The following B3GALT4 variants were observed in gnomAD, a reference collection of about 807,000 sequenced individuals.
The protein encoded by B3GALT4 is beta-1,3-galactosyltransferase 4, also known as UDP-Gal:betaGlcNAc beta 1,3-galactosyltransferase 4.
In B3GALT4, 1 loss-of-function variant was observed where a neutral mutation model predicts 1.6. The observed-to-expected ratio is 0.64, with a 90% CI of 0.23 to 3.05. B3GALT4 has a LOEUF of 3.05. B3GALT4 is among the 30% of genes most tolerant of loss of function. The pLI is 0.21. For missense variants in B3GALT4, 441 were observed against 486.9 expected (o/e 0.91, Z 0.89); for synonymous variants, 259 against 222.6 (o/e 1.16, Z -1.46).
chr6:33,277,953 G>C lies in B3GALT4; in HGVS notation c.534G>C (p.Val178=), dbSNP rs1029284690. 1 of 1,614,212 alleles carries C rather than the reference G, an allele frequency of 6.2e-7. No homozygotes were observed. The highest frequency in any genetic ancestry group is 1.7e-5 in the Admixed American group (1 of 60,024). The change falls in exon 1 of 1, where the codon GTG becomes GTC. Residue 178 remains valine, a synonymous_variant. Transcript: ENST00000451237. This position sits in a 1 kb window ranked among gnomAD's most constrained non-coding sequence, Gnocchi z 5.3. Reference sequence around the variant, plus strand: ...ACGTCCTCAAGACGGACGATGATGTGTATGTCAACGTCCCTGAACTGGTAT... The same window carrying C: ...ACGTCCTCAAGACGGACGATGATGTCTATGTCAACGTCCCTGAACTGGTAT... ...ARYVLKTDDD[V]YVNVPELVSE...
Position 33,277,190 on chromosome 6 carries a change from G to A in B3GALT4, c.-230G>A, listed in dbSNP as rs893127831. 1 of 622,480 alleles carries A rather than the reference G, an allele frequency of 1.6e-6. No homozygotes were observed. Among genetic ancestry groups the A allele is most frequent in the African/African-American group, 2.0e-5 (1 of 50,862 alleles). The allele number at this position is 622,480 out of a possible 1,614,324, so 38.6% of individuals were successfully genotyped here. ...CGCAGTCGGCCAGCCATGGAGCGGA[G>A]CTTGCTGGCGGCGAGGCCGCGGCGA... On this transcript the variant is annotated 5_prime_UTR_variant, in exon 1 of 1. Transcript: ENST00000451237. This position sits in a 1 kb window ranked among gnomAD's most constrained non-coding sequence, Gnocchi z 5.3.
chr6:33,277,179 C>T lies in B3GALT4; in HGVS notation c.-241C>T. ...GCCGTGAGTGCCGCAGTCGGCCAGCCATGGAGCGGAGCTTGCTGGCGGCGA... is the reference window on the plus strand; with the variant it reads ...GCCGTGAGTGCCGCAGTCGGCCAGCTATGGAGCGGAGCTTGCTGGCGGCGA... On this transcript the variant is annotated 5_prime_UTR_variant, in exon 1 of 1. Coordinates refer to ENST00000451237, the MANE Select transcript of B3GALT4 (RefSeq NM_003782.4). This position sits in a 1 kb window ranked among gnomAD's most constrained non-coding sequence, Gnocchi z 5.3. 1.8e-6 allele frequency: 1 copy of T among 549,024 alleles called. No homozygotes were observed. The allele number at this position is 549,024 out of a possible 1,614,324, so 34.0% of individuals were successfully genotyped here.
At position 33,277,727 on chromosome 6, in the gene B3GALT4, T is replaced by G. The variant is rs1765758934; in HGVS notation, c.308T>G (p.Leu103Arg). Residue 103 changes from leucine (L) to arginine (R), a missense_variant, in exon 1 of 1, where the codon CTC becomes CGC. Coordinates refer to ENST00000451237, the MANE Select transcript of B3GALT4 (RefSeq NM_003782.4). The surrounding 1 kb of genome is among the most constrained non-coding windows in gnomAD (Gnocchi z 5.3). Reference protein sequence around the residue: ...SWGGLREARGLRVQTLFLLGE... With the variant: ...SWGGLREARGRRVQTLFLLGE... Reference sequence around the variant, plus strand: ...GGCGGGCTGCGCGAGGCCCGGGGGCTCAGGGTACAGACGCTATTCTTGCTG... The same window carrying G: ...GGCGGGCTGCGCGAGGCCCGGGGGCGCAGGGTACAGACGCTATTCTTGCTG... 1 of 1,613,678 alleles carries G rather than the reference T, an allele frequency of 6.2e-7. No individual in the cohort carries two copies. The highest frequency in any genetic ancestry group is 8.5e-7 in the Non-Finnish European group (1 of 1,179,986).
rs1242844551 is a variant in B3GALT4, at chr6:33,278,127, C to G, written c.708C>G (p.Pro236=). The G allele has an allele frequency of 1.2e-6, 2 of 1,613,670 alleles. No homozygotes were observed. The highest frequency in any genetic ancestry group is 1.7e-6 in the Non-Finnish European group (2 of 1,179,966). The part of the protein sequence containing the change: ...YLGRVHWRVN[P]SRTPGGRHRV... ...GCCGGGTGCACTGGCGCGTGAACCC[C>G]TCTCGGACACCGGGGGGCAGGCACC... Residue 236 remains proline (P), a synonymous_variant, in exon 1 of 1, where the codon CCC becomes CCG. Transcript: ENST00000451237. The surrounding 1 kb of genome is among the most constrained non-coding windows in gnomAD (Gnocchi z 5.2).
rs780351801 is a variant in B3GALT4 at position 33,277,467 on chromosome 6, G to A, written c.48G>A (p.Leu16=). 1.5e-5 allele frequency: 24 copies of A among 1,612,710 alleles called. No individual in the cohort carries two copies. Among genetic ancestry groups the A allele is most frequent in the Non-Finnish European group, 2.0e-5 (24 of 1,179,996 alleles). Reference sequence around the variant, plus strand: ...GCCTCCTTCTCGCCGCTTTGCTGCTGGTGATCGTCTGGACCCTCTTCGGGC... The same window carrying A: ...GCCTCCTTCTCGCCGCTTTGCTGCTAGTGATCGTCTGGACCCTCTTCGGGC... ...FRRLLLAALL[L]VIVWTLFGPS... is the part of the protein sequence containing the mutation. Residue 16 remains leucine (L), a synonymous_variant, in exon 1 of 1, where the codon CTG becomes CTA. Coordinates refer to ENST00000451237, the MANE Select transcript of B3GALT4 (RefSeq NM_003782.4). This position sits in a 1 kb window ranked among gnomAD's most constrained non-coding sequence, Gnocchi z 5.3.
At position 33,278,473 on chromosome 6, in the gene B3GALT4, G is replaced by A. The variant is rs771117789; in HGVS notation, c.1054G>A (p.Glu352Lys). 1.2e-6 allele frequency: 2 copies of A among 1,607,638 alleles called. No individual in the cohort carries two copies. Among genetic ancestry groups the A allele is most frequent in the East Asian group, 2.2e-5 (1 of 44,850 alleles). ...GAAGCTGGTGGGTGGCTCTGACGGGGAAAGGACTGCGCCCTTTTGCTCCTG... is the reference window on the plus strand; with the variant it reads ...GAAGCTGGTGGGTGGCTCTGACGGGAAAAGGACTGCGCCCTTTTGCTCCTG... ...AWKLVGGSDG[E>K]RTAPFCSWFQ... Residue 352 changes from glutamate (E) to lysine (K), a missense_variant, in exon 1 of 1, where the codon GAA (glutamate) becomes AAA (lysine). By Grantham distance (56) the Glu-to-Lys change is moderately conservative. Coordinates refer to ENST00000451237, the MANE Select transcript of B3GALT4 (RefSeq NM_003782.4). The surrounding 1 kb of genome is among the most constrained non-coding windows in gnomAD (Gnocchi z 5.2).
At position 33,277,676 on chromosome 6, in the gene B3GALT4, A is replaced by G. The variant is rs766551126; in HGVS notation, c.257A>G (p.Gln86Arg). Residue 86 changes from glutamine to arginine, a missense_variant, in exon 1 of 1, where the codon CAG becomes CGG. Physicochemically the swap from Gln to Arg is conservative, Grantham distance 43. Transcript: ENST00000451237. This position sits in a 1 kb window ranked among gnomAD's most constrained non-coding sequence, Gnocchi z 5.3. Reference sequence around the variant, plus strand: ...TGCACGGCTCCGGAGAACCTGAACCAGAGAAACGCCATTCGGGCTTCGTGG... The same window carrying G: ...TGCACGGCTCCGGAGAACCTGAACCGGAGAAACGCCATTCGGGCTTCGTGG... Reference protein sequence around the residue: ...LVCTAPENLNQRNAIRASWGG... With the variant: ...LVCTAPENLNRRNAIRASWGG... 1 of 1,613,916 alleles carries G rather than the reference A, an allele frequency of 6.2e-7. No homozygotes were observed. The highest frequency in any genetic ancestry group is 8.5e-7 in the Non-Finnish European group (1 of 1,180,014).
In B3GALT4 at chr6:33,278,743, AAAAG is replaced by A. The variant is rs1336582877; in HGVS notation, c.*191_*194del. The A allele has an allele frequency of 2.7e-6, 3 of 1,096,342 alleles. No homozygotes were observed. The highest frequency in any genetic ancestry group is 3.3e-5 in the African/African-American group (2 of 61,336). The allele number at this position is 1,096,342 out of a possible 1,614,324, so 67.9% of individuals were successfully genotyped here. A position where few individuals can be genotyped will look rare whatever the true frequency, so the allele number is the denominator to read the frequency against. On this transcript the variant is annotated 3_prime_UTR_variant, in exon 1 of 1. Transcript: ENST00000451237. This position sits in a 1 kb window ranked among gnomAD's most constrained non-coding sequence, Gnocchi z 5.2. ...CCAAAAGATGGTCATCGGGAAGAGAAAAAGAAAAAAATGCTGCAGTTGTTCTCTC... is the reference window on the plus strand; with the variant it reads ...CCAAAAGATGGTCATCGGGAAGAGAAAAAAAAATGCTGCAGTTGTTCTCTC...
chr6:33,278,239 G>C lies in B3GALT4; in HGVS notation c.820G>C (p.Val274Leu). 1 of 1,612,860 alleles carries C rather than the reference G, an allele frequency of 6.2e-7. No homozygotes were observed. The highest frequency in any genetic ancestry group is 8.5e-7 in the Non-Finnish European group (1 of 1,180,022). ...GTGYVLSASAVQLILKVASRA... is the reference protein window; with the variant it reads ...GTGYVLSASALQLILKVASRA... ...GGGGTATGTGCTGTCAGCGTCTGCT[G>C]TGCAGCTCATTCTCAAGGTGGCCAG... Residue 274 changes from valine (V) to leucine (L), a missense_variant, in exon 1 of 1, where the codon GTG (valine) becomes CTG (leucine). Physicochemically the swap from Val to Leu is conservative, Grantham distance 32. Coordinates refer to ENST00000451237, the MANE Select transcript of B3GALT4 (RefSeq NM_003782.4). The surrounding 1 kb of genome is among the most constrained non-coding windows in gnomAD (Gnocchi z 5.2).
rs537622021 is a variant in B3GALT4, at chr6:33,277,239, G to T, written c.-181G>T. 46 of 1,105,748 alleles carry T rather than the reference G, an allele frequency of 4.2e-5. 1 individual carries two copies. The African/African-American group carries it at 6.8e-4, about 16-fold the overall frequency. The allele number at this position is 1,105,748 out of a possible 1,614,324, so 68.5% of individuals were successfully genotyped here. A position where few individuals can be genotyped will look rare whatever the true frequency, so the allele number is the denominator to read the frequency against. ...GACAAGGTAGCCACCCCCGCAGCATGCCTCGACCGCGGTCCGCAGCTGCAC... is the reference window on the plus strand; with the variant it reads ...GACAAGGTAGCCACCCCCGCAGCATTCCTCGACCGCGGTCCGCAGCTGCAC... On this transcript the variant is annotated 5_prime_UTR_variant, in exon 1 of 1. The change abolishes an upstream ATG in the 5' untranslated region. Coordinates refer to ENST00000451237, the MANE Select transcript of B3GALT4 (RefSeq NM_003782.4). This position sits in a 1 kb window ranked among gnomAD's most constrained non-coding sequence, Gnocchi z 5.3.
Position 33,277,231 on chromosome 6 carries a change from C to A in B3GALT4, c.-189C>A. 1 of 1,015,864 alleles carries A rather than the reference C, an allele frequency of 9.8e-7. No homozygotes were observed. The highest frequency in any genetic ancestry group is 1.8e-5 in the South Asian group (1 of 55,386). The allele number at this position is 1,015,864 out of a possible 1,614,324, so 62.9% of individuals were successfully genotyped here. Reference sequence around the variant, plus strand: ...GCCGCGGCGACAAGGTAGCCACCCCCGCAGCATGCCTCGACCGCGGTCCGC... The same window carrying A: ...GCCGCGGCGACAAGGTAGCCACCCCAGCAGCATGCCTCGACCGCGGTCCGC... On this transcript the variant is annotated 5_prime_UTR_variant, in exon 1 of 1. Transcript: ENST00000451237. The surrounding 1 kb of genome is among the most constrained non-coding windows in gnomAD (Gnocchi z 5.3).
rs1765838094 is a variant in B3GALT4 at position 33,278,617 on chromosome 6, G to A, written c.*61G>A. On this transcript the variant is annotated 3_prime_UTR_variant, in exon 1 of 1. Transcript: ENST00000451237. The surrounding 1 kb of genome is among the most constrained non-coding windows in gnomAD (Gnocchi z 5.2). ...CCTTCTCTCTCCCAGGCCCAACGCAGGGGCCCTCACTGGCTGCAGCTGATC... is the reference window on the plus strand; with the variant it reads ...CCTTCTCTCTCCCAGGCCCAACGCAAGGGCCCTCACTGGCTGCAGCTGATC... 2 of 1,500,590 alleles carry A rather than the reference G, an allele frequency of 1.3e-6. No individual in the cohort carries two copies. Among genetic ancestry groups the A allele is most frequent in the Admixed American group, 4.7e-5 (2 of 42,350 alleles). The allele number at this position is 1,500,590 out of a possible 1,614,324, so 93.0% of individuals were successfully genotyped here. A position where few individuals can be genotyped will look rare whatever the true frequency, so the allele number is the denominator to read the frequency against.
Position 33,278,347 on chromosome 6 carries a change from A to T in B3GALT4, c.928A>T (p.Lys310Ter). ...AGGCCTCGCCCCAACACAGTGTGTC[A>T]AGCTGGCTGGTGCCACCCACTACCC... ...RGGLAPTQCVKLAGATHYPLD... is the reference protein window; with the variant it reads ...RGGLAPTQCV The change falls in exon 1 of 1, where the codon AAG (lysine) becomes TAG (stop). Residue 310 changes from lysine (K) to a stop codon, truncating the protein, a stop_gained. Coordinates refer to ENST00000451237, the MANE Select transcript of B3GALT4 (RefSeq NM_003782.4). LOFTEE classifies it high-confidence loss of function. This position sits in a 1 kb window ranked among gnomAD's most constrained non-coding sequence, Gnocchi z 5.2. 1 of 1,608,656 alleles carries T rather than the reference A, an allele frequency of 6.2e-7. No individual in the cohort carries two copies. Among genetic ancestry groups the T allele is most frequent in the Non-Finnish European group, 8.5e-7 (1 of 1,176,326 alleles).
At position 33,278,485 on chromosome 6, in the gene B3GALT4, C is replaced by T; in HGVS notation, c.1066C>T (p.Pro356Ser). 6.3e-7 allele frequency: 1 copy of T among 1,593,568 alleles called. No individual in the cohort carries two copies. ...TGGCTCTGACGGGGAAAGGACTGCG[C>T]CCTTTTGCTCCTGGTTCCAGGGAGT... The part of the protein sequence containing the change: ...VGGSDGERTA[P>S]FCSWFQGVLG... The change falls in exon 1 of 1, where the codon CCC (proline) becomes TCC (serine). Residue 356 changes from proline to serine, a missense_variant. By Grantham distance (74) the Pro-to-Ser change is moderately conservative. Coordinates refer to ENST00000451237, the MANE Select transcript of B3GALT4 (RefSeq NM_003782.4). The surrounding 1 kb of genome is among the most constrained non-coding windows in gnomAD (Gnocchi z 5.2).
In B3GALT4 at chr6:33,277,187, G is replaced by A. The variant is rs1276685657; in HGVS notation, c.-233G>A. ...TGCCGCAGTCGGCCAGCCATGGAGC[G>A]GAGCTTGCTGGCGGCGAGGCCGCGG... is the stretch of plus-strand genomic sequence containing the variant. On this transcript the variant is annotated 5_prime_UTR_variant, in exon 1 of 1. Transcript: ENST00000451237. This position sits in a 1 kb window ranked among gnomAD's most constrained non-coding sequence, Gnocchi z 5.3. The A allele has an allele frequency of 5.1e-6, 3 of 592,322 alleles. No individual in the cohort carries two copies. The highest frequency in any genetic ancestry group is 8.1e-6 in the Non-Finnish European group (3 of 371,866). The allele number at this position is 592,322 out of a possible 1,614,324, so 36.7% of individuals were successfully genotyped here. A position where few individuals can be genotyped will look rare whatever the true frequency, so the allele number is the denominator to read the frequency against.
chr6:33,278,457 G>T lies in B3GALT4; in HGVS notation c.1038G>T (p.Val346=). 6.2e-7 allele frequency: 1 copy of T among 1,610,950 alleles called. No individual in the cohort carries two copies. Among genetic ancestry groups the T allele is most frequent in the Admixed American group, 1.7e-5 (1 of 59,612 alleles). The part of the protein sequence containing the change: ...PWKMQEAWKL[V]GGSDGERTAP... ...AGATGCAGGAAGCCTGGAAGCTGGT[G>T]GGTGGCTCTGACGGGGAAAGGACTG... is the stretch of plus-strand genomic sequence containing the variant. The change falls in exon 1 of 1, where the codon GTG becomes GTT. Residue 346 remains valine, a synonymous_variant. Transcript: ENST00000451237. The surrounding 1 kb of genome is among the most constrained non-coding windows in gnomAD (Gnocchi z 5.2).
Position 33,278,398 on chromosome 6 carries a change from T to C in B3GALT4, c.979T>C (p.Phe327Leu). 1 of 1,608,906 alleles carries C rather than the reference T, an allele frequency of 6.2e-7. No homozygotes were observed. Among genetic ancestry groups the C allele is most frequent in the South Asian group, 1.1e-5 (1 of 90,560 alleles). ...GCTAGACCGGTGCTGCTATGGGAAA[T>C]TCCTGCTGACGTCCCACAGGCTGGA... is the stretch of plus-strand genomic sequence containing the variant. ...YPLDRCCYGK[F>L]LLTSHRLDPW... Residue 327 changes from phenylalanine to leucine, a missense_variant, in exon 1 of 1, where the codon TTC becomes CTC. Phe to Leu is a conservative substitution (Grantham distance 22). Coordinates refer to ENST00000451237, the MANE Select transcript of B3GALT4 (RefSeq NM_003782.4). The surrounding 1 kb of genome is among the most constrained non-coding windows in gnomAD (Gnocchi z 5.2).
In B3GALT4 at chr6:33,277,644, C is replaced by G; in HGVS notation, c.225C>G (p.Ile75Met). The G allele has an allele frequency of 6.2e-7, 1 of 1,613,904 alleles. No individual in the cohort carries two copies. The highest frequency in any genetic ancestry group is 8.5e-7 in the Non-Finnish European group (1 of 1,179,992). Residue 75 changes from isoleucine (I) to methionine (M), a missense_variant, in exon 1 of 1, where the codon ATC becomes ATG. Ile to Met is a conservative substitution (Grantham distance 10). Coordinates refer to ENST00000451237, the MANE Select transcript of B3GALT4 (RefSeq NM_003782.4). The surrounding 1 kb of genome is among the most constrained non-coding windows in gnomAD (Gnocchi z 5.3). ...SGPGAPPFLL[I>M]LVCTAPENLN... ...CCGGGGCCCCTCCCTTCCTGCTCAT[C>G]CTGGTGTGCACGGCTCCGGAGAACC...
Position 33,278,444 on chromosome 6 carries a change from C to T in B3GALT4, c.1025C>T (p.Ala342Val). 1 of 1,611,646 alleles carries T rather than the reference C, an allele frequency of 6.2e-7. No individual in the cohort carries two copies. The highest frequency in any genetic ancestry group is 1.1e-5 in the South Asian group (1 of 90,780). ...CTGGACCCCTGGAAGATGCAGGAAG[C>T]CTGGAAGCTGGTGGGTGGCTCTGAC... ...HRLDPWKMQE[A>V]WKLVGGSDGE... Residue 342 changes from alanine (A) to valine (V), a missense_variant, in exon 1 of 1, where the codon GCC becomes GTC. Transcript: ENST00000451237. This position sits in a 1 kb window ranked among gnomAD's most constrained non-coding sequence, Gnocchi z 5.2.
Sources: gnomAD v4.1 joint callset for allele counts on GRCh38, gnomAD v4.1.1 for gene constraint, Gnocchi (gnomAD v3.1) non-coding constraint, MANE v1.5 for transcripts, NCBI Gene and HGNC (gene_info 2026-07-23, HGNC 2026-07-21) for gene names.